Variants in LARGE1 observed in about 807,000 individuals in gnomAD.
LARGE1 encodes the protein xylosyl- and glucuronyltransferase LARGE1.
LARGE1 carries 43 observed loss-of-function variants against 87.6 expected under a neutral mutation model. That is an observed-to-expected ratio of 0.49 (90% confidence interval 0.38 to 0.63). LARGE1 has a LOEUF of 0.63. Among genes scored for constraint, LARGE1 ranks in the 30% least tolerant of loss-of-function variants. The pLI is 0.00. For synonymous variants in LARGE1, 434 were observed against 394.6 expected, an observed-to-expected ratio of 1.10 and a Z score of -1.18; for missense variants, 802 against 1,000.2, an observed-to-expected ratio of 0.80 and a Z score of 2.67.
At chr22:33,682,376 C>T (rs554047651) in intron 2 of LARGE1, among the ~76,000 whole-genome samples, 8 of 152,274 alleles carry the variant, frequency 5.3e-5, no homozygotes, top group African/African-American at 1.9e-4. Context: ...CTGGCCCTGG[C>T]CTCCTTCTCC....
chr22:33,853,351 G>T (rs1188273476), intron 1 of LARGE1, among the ~76,000 whole-genome samples: 1 of 152,136 alleles, frequency 6.6e-6, no homozygotes, highest in Non-Finnish European at 1.5e-5. Context: ...GCACACACAG[G>T]TTTACAATAC....
chr22:33,499,070 A>G (rs937639150), intron 6 of LARGE1, among the ~76,000 whole-genome samples: 1 of 152,230 alleles, frequency 6.6e-6, no homozygotes, highest in Admixed American at 6.5e-5. Flanking sequence ...AATTGTGTAT[A>G]TAACTTTTGG....
In LARGE1 at chr22:33,580,608, C is replaced by T. The variant is rs117470527; in HGVS notation, c.616-15589G>A. 2.3e-3 allele frequency among the ~76,000 whole-genome samples: 355 copies of T among 152,206 alleles called. 1 individual carries two copies. The highest frequency in any genetic ancestry group is 3.6e-3 in the Non-Finnish European group (248 of 68,012). On this transcript the variant is annotated intron_variant, in intron 5 of 14. Transcript: ENST00000397394. Reference sequence around the variant, plus strand: ...ATGGCATCAGTTGTGATTTTCTCTCCTTTATAACGGCTGGTTTTGGAGGGT... The same window carrying T: ...ATGGCATCAGTTGTGATTTTCTCTCTTTTATAACGGCTGGTTTTGGAGGGT...
intron 2 of LARGE1, among the ~76,000 whole-genome samples, chr22:33,726,818 G>T (rs2083284957): frequency 6.6e-6 from 1 of 152,174 alleles, no homozygotes; most frequent in Admixed American, 6.5e-5. Context: ...GGGAATTGGG[G>T]TGCAGGGACA....
chr22:33,552,829 T>C lies in LARGE1; in HGVS notation c.787+12019A>G, dbSNP rs79039019. On this transcript the variant is annotated intron_variant, in intron 6 of 14. Coordinates refer to ENST00000397394, the MANE Select transcript of LARGE1 (RefSeq NM_133642.5). ...TGTGCAAAGTCCTGTATCATAGAACTGAGATAATATGACAAAACACCTGCA... is the reference window on the plus strand; with the variant it reads ...TGTGCAAAGTCCTGTATCATAGAACCGAGATAATATGACAAAACACCTGCA... Among the ~76,000 whole-genome samples, 559 of 152,310 alleles carry C rather than the reference T, an allele frequency of 3.7e-3. 6 individuals are homozygous for C. Among genetic ancestry groups the C allele is most frequent in the South Asian group, 0.019 (91 of 4,822 alleles).
At chr22:33,894,550 T>C (rs1003852104) in intron 1 of LARGE1, among the ~76,000 whole-genome samples, 1 of 152,204 alleles carries the variant, frequency 6.6e-6, no homozygotes, top group Non-Finnish European at 1.5e-5. Flanking sequence ...AACCTCGAAG[T>C]AGCCTCTGTG....
chr22:33,611,051 A>C (rs531187915), intron 4 of LARGE1, among the ~76,000 whole-genome samples: 2 of 152,224 alleles, frequency 1.3e-5, no homozygotes, highest in African/African-American at 2.4e-5. Flanking sequence ...AATGTATAAG[A>C]AAGCCTGGGT....
chr22:33,870,357 C>A lies in LARGE1; in HGVS notation c.-83+49638G>T, dbSNP rs7290668. ...TGAGCCATCCAGTTTGTTATGGCAG[C>A]CTTCGGAAACTGATACAGTCCTCAC... On this transcript the variant is annotated intron_variant, in intron 1 of 14. Coordinates refer to ENST00000397394, the MANE Select transcript of LARGE1 (RefSeq NM_133642.5). Among the ~76,000 whole-genome samples, 938 of 152,238 alleles carry A rather than the reference C, an allele frequency of 6.2e-3. 5 individuals carry two copies. The highest frequency in any genetic ancestry group is 0.021 in the African/African-American group (863 of 41,530).
At chr22:33,665,863 G>T (rs1480382736) in intron 2 of LARGE1, among the ~76,000 whole-genome samples, 2 of 150,554 alleles carry the variant, frequency 1.3e-5, no homozygotes, top group Non-Finnish European at 2.9e-5. Flanking sequence ...CTGCACCCCA[G>T]CCTGGGCAAC....
At chr22:33,461,542 T>C (rs1415601090) in intron 6 of LARGE1, among the ~76,000 whole-genome samples, 2 of 151,544 alleles carry the variant, frequency 1.3e-5, no homozygotes, top group South Asian at 2.1e-4. Context: ...TTAGGAGATA[T>C]ACCTAATGTA....
chr22:33,213,818 A>C (rs1925072821), intron 11 of LARGE1, among the ~76,000 whole-genome samples: 1 of 151,864 alleles, frequency 6.6e-6, no homozygotes, highest in African/African-American at 2.4e-5. Context: ...CTTTATTATG[A>C]TATTTTCTTT....
chr22:33,893,341 T>C (rs959692550), intron 1 of LARGE1, among the ~76,000 whole-genome samples: 1 of 152,176 alleles, frequency 6.6e-6, no homozygotes, highest in Non-Finnish European at 1.5e-5. Flanking sequence ...GAATAAATCT[T>C]AAACTATTCC....
At chr22:33,876,716 A>G (rs2146720068) in intron 1 of LARGE1, among the ~76,000 whole-genome samples, 1 of 152,072 alleles carries the variant, frequency 6.6e-6, no homozygotes, top group East Asian at 1.9e-4. Context: ...AGGGCTTAAC[A>G]CCTAGATGAC....
intron 1 of LARGE1, among the ~76,000 whole-genome samples, chr22:33,882,053 T>TG (rs1364394841): frequency 2.7e-5 from 4 of 150,764 alleles, no homozygotes; most frequent in African/African-American, 9.8e-5. Flanking sequence ...TTGTTTTTTT[T>TG]TTTTTTTGAG....
intron 2 of LARGE1, among the ~76,000 whole-genome samples, chr22:33,721,451 T>C (rs1033254015): frequency 5.3e-5 from 8 of 152,304 alleles, no homozygotes; most frequent in African/African-American, 1.7e-4. Context: ...TATCAATTCA[T>C]ACAATATCGA....
At chr22:33,877,261 A>G (rs1246861215) in intron 1 of LARGE1, among the ~76,000 whole-genome samples, 1 of 152,166 alleles carries the variant, frequency 6.6e-6, no homozygotes, top group Non-Finnish European at 1.5e-5. Context: ...CTGGGGGTGC[A>G]TCTGCCATGT....
chr22:33,394,052 T>C (rs1185933253), intron 7 of LARGE1, among the ~76,000 whole-genome samples: 3 of 139,972 alleles, frequency 2.1e-5, no homozygotes, highest in African/African-American at 8.2e-5. Flanking sequence ...TTTTATGAGC[T>C]AGACATTATT....
chr22:33,089,653 C>T, the LARGE1 span, among the ~76,000 whole-genome samples: 1 of 151,622 alleles, frequency 6.6e-6, no homozygotes, highest in Non-Finnish European at 1.5e-5. Flanking sequence ...ACGTGCACCA[C>T]ATTCAGCTAA....
At chr22:33,622,575 C>T (rs2079789014) in intron 4 of LARGE1, among the ~76,000 whole-genome samples, 2 of 152,236 alleles carry the variant, frequency 1.3e-5, no homozygotes, top group Admixed American at 6.5e-5. Flanking sequence ...CCTGCCCAAC[C>T]TGCTGCCACT....
Sources: gnomAD v4.1 joint callset for allele counts (sites outside exome capture counted in the v4.1 genomes callset) on GRCh38, gnomAD v4.1.1 for gene constraint, MANE v1.5 for transcripts, NCBI Gene and HGNC (gene_info 2026-07-23, HGNC 2026-07-21) for gene names.